CCDC73: variants seen among roughly 807,000 people sequenced by gnomAD.
CCDC73 encodes the protein coiled-coil domain-containing protein 73.
Under a neutral mutation model 116.5 loss-of-function variants are expected in CCDC73, and 95 were observed. The ratio of observed to expected loss-of-function variants is 0.82; its 90% CI spans 0.69 to 0.97. The LOEUF is 0.97. Ranked by LOEUF, CCDC73 falls within the 50% of genes least tolerant of loss-of-function variation. The pLI is 0.00. For synonymous variants in CCDC73, 398 were observed against 401.3 expected (o/e 0.99, Z 0.10); for missense variants, 1,066 against 1,206.8 (o/e 0.88, Z 1.73).
intron 17 of CCDC73, among the ~76,000 whole-genome samples, chr11:32,607,186 G>A (rs1309686299): frequency 6.6e-4 from 90 of 136,776 alleles, no homozygotes; most frequent in Non-Finnish European, 1.1e-3. Flanking sequence ...TCCGCCTCCC[G>A]GGTTCACGCC....
At chr11:32,741,235 G>C (rs1467849899) in intron 2 of CCDC73, among the ~76,000 whole-genome samples, 1 of 151,834 alleles carries the variant, frequency 6.6e-6, no homozygotes, top group Non-Finnish European at 1.5e-5. Context: ...TTGACTTTCT[G>C]TCTGGATGAT....
In CCDC73 at chr11:32,755,871, A is replaced by ATATATGTGTGTG. The variant is rs1850336159; in HGVS notation, c.135+4237_135+4238insCACACACATATA. Among the ~76,000 whole-genome samples the ATATATGTGTGTG allele has an allele frequency of 4.1e-5, 5 of 123,188 alleles. 1 individual carries two copies. The highest frequency in any genetic ancestry group is 1.2e-4 in the African/African-American group (4 of 32,642). The allele number at this position is 123,188 out of a possible 152,430, so 80.8% of individuals were successfully genotyped here. On this transcript the variant is annotated intron_variant, in intron 2 of 17. Coordinates refer to ENST00000335185, the MANE Select transcript of CCDC73 (RefSeq NM_001008391.4). ...TATATGTGTGTGTATATATCTCCAT[A>ATATATGTGTGTG]TATATATCTGTGTATATATCTCCAT... is the stretch of plus-strand genomic sequence containing the variant.
At chr11:32,709,668 T>A (rs1849883008) in intron 3 of CCDC73, among the ~76,000 whole-genome samples, 1 of 152,196 alleles carries the variant, frequency 6.6e-6, no homozygotes, top group Non-Finnish European at 1.5e-5. Context: ...TATTGGTCTG[T>A]AGGTTGTTGT....
intron 1 of CCDC73, among the ~76,000 whole-genome samples, chr11:32,790,962 C>G (rs763591067): frequency 8.5e-5 from 13 of 152,258 alleles, no homozygotes; most frequent in Admixed American, 4.6e-4. Context: ...CTAAACTAAA[C>G]TCCAATTTTT....
chr11:32,682,930 T>A (rs1018634837), intron 7 of CCDC73: 2 of 155,512 alleles, frequency 1.3e-5, no homozygotes. Context: ...ACTTCATACA[T>A]TTCAATTTTT....
chr11:32,793,187 G>A (rs1230043485), intron 1 of CCDC73, among the ~76,000 whole-genome samples: 1 of 152,192 alleles, frequency 6.6e-6, no homozygotes, highest in East Asian at 1.9e-4. Flanking sequence ...TCATCAAAGT[G>A]GGGAATCTAA....
chr11:32,646,076 GT>G (rs1855776560), intron 12 of CCDC73, among the ~76,000 whole-genome samples: 1 of 152,128 alleles, frequency 6.6e-6, no homozygotes, highest in Non-Finnish European at 1.5e-5. Flanking sequence ...CTCTATCCTA[GT>G]AATAATAATT....
chr11:32,613,748 A>G lies in CCDC73; in HGVS notation c.2570T>C (p.Met857Thr), dbSNP rs554847846. 9.9e-6 allele frequency: 16 copies of G among 1,613,940 alleles called. No homozygotes were observed. The Admixed American group carries it at 1.8e-4, about 18-fold the overall frequency. ...TTCCTCCAGCTGTCCTTCACTGAAC[A>G]TTTTTCCTGAAACAATGTCATTTAA... Reference protein sequence around the residue: ...ESLNDIVSGKMFSEGQLEESH... With the variant: ...ESLNDIVSGKTFSEGQLEESH... The change falls in exon 16 of 18, where the codon ATG becomes ACG. Residue 857 changes from methionine to threonine, a missense_variant. Coordinates refer to ENST00000335185, the MANE Select transcript of CCDC73 (RefSeq NM_001008391.4).
Position 32,614,936 on chromosome 11 carries a change from T to C in CCDC73, c.1382A>G (p.Gln461Arg), listed in dbSNP as rs1218635108. The change falls in exon 16 of 18, where the codon CAG becomes CGG. Residue 461 changes from glutamine (Q) to arginine (R), a missense_variant. Physicochemically the swap from Gln to Arg is conservative, Grantham distance 43. Transcript: ENST00000335185. ...FIEEIIIDDL[Q>R]LFEKSFKNEI... The stretch of plus-strand genomic sequence containing the variant: ...ATTCTTGAAGCTTTTTTCAAAAAGC[T>C]GTAAATCTGTCATGATGGGAACACA... 3 of 1,594,860 alleles carry C rather than the reference T, an allele frequency of 1.9e-6. No individual in the cohort carries two copies. The highest frequency in any genetic ancestry group is 2.6e-6 in the Non-Finnish European group (3 of 1,172,998).
chr11:32,605,848 G>C (rs1374125126), intron 17 of CCDC73: 1 of 151,994 alleles, frequency 6.6e-6, no homozygotes, highest in Non-Finnish European at 1.5e-5. Flanking sequence ...TCGTTCTTTC[G>C]TCTCCTATCC....
chr11:32,763,678 A>C (rs911515521), intron 1 of CCDC73, among the ~76,000 whole-genome samples: 5 of 152,244 alleles, frequency 3.3e-5, no homozygotes. Context: ...ACAGAGAAGA[A>C]AAGCTGAAAA....
intron 17 of CCDC73, among the ~76,000 whole-genome samples, chr11:32,609,994 TC>T (rs1855405420): frequency 6.6e-6 from 1 of 150,974 alleles, no homozygotes; most frequent in African/African-American, 2.4e-5. Context: ...TTTCACCATG[TC>T]AGCCAGGATG....
chr11:32,785,156 A>C lies in CCDC73; in HGVS notation c.-16+9457T>G, dbSNP rs567557742. Reference sequence around the variant, plus strand: ...ACTCCAGCCTGGGCAAAAAAGCAAGACTCCATCTCAGGAAAAAAAAAGAAC... The same window carrying C: ...ACTCCAGCCTGGGCAAAAAAGCAAGCCTCCATCTCAGGAAAAAAAAAGAAC... On this transcript the variant is annotated intron_variant, in intron 1 of 17. Coordinates refer to ENST00000335185, the MANE Select transcript of CCDC73 (RefSeq NM_001008391.4). 3.5e-4 allele frequency among the ~76,000 whole-genome samples: 53 copies of C among 152,112 alleles called. No individual in the cohort carries two copies. The South Asian group carries it at 0.011, about 30-fold the overall frequency.
rs186329131 is a variant in CCDC73, at chr11:32,602,839, G to C, written c.3212C>G (p.Thr1071Arg). ...NQPKKRKAEE[T>R]LEKNNRLK ...TTTTAATCTGTTGTTTTTTTCCAAC[G>C]TCTCTTCTGCTTTTCTTTTCTTTGG... The change falls in exon 18 of 18, where the codon ACG (threonine) becomes AGG (arginine). Residue 1071 changes from threonine (T) to arginine (R), a missense_variant. By Grantham distance (71) the Thr-to-Arg change is moderately conservative (BLOSUM62 -1). Coordinates refer to ENST00000335185, the MANE Select transcript of CCDC73 (RefSeq NM_001008391.4). 4 of 1,601,614 alleles carry C rather than the reference G, an allele frequency of 2.5e-6. No individual in the cohort carries two copies. Among genetic ancestry groups the C allele is most frequent in the East Asian group, 2.2e-5 (1 of 44,742 alleles).
chr11:32,749,295 TCTG>T (rs879431489), intron 2 of CCDC73, among the ~76,000 whole-genome samples: 1 of 152,072 alleles, frequency 6.6e-6, no homozygotes, highest in Non-Finnish European at 1.5e-5. Flanking sequence ...CTTGATCAAT[TCTG>T]CTATTATGAG....
rs1418470897 is a variant in CCDC73 at position 32,726,968 on chromosome 11, C to T, written c.136-8821G>A. On this transcript the variant is annotated intron_variant, in intron 2 of 17. Transcript: ENST00000335185. ...TTTATAGTCTTATAAATGCCAGGAT[C>T]CTGTCCAGGTTACCACATTGCATTT... Among the ~76,000 whole-genome samples, 6 of 152,064 alleles carry T rather than the reference C, an allele frequency of 3.9e-5. No individual in the cohort carries two copies. In the East Asian group the frequency reaches 7.7e-4, roughly 19 times the overall value.
chr11:32,608,321 T>C (rs1387616898), intron 17 of CCDC73, among the ~76,000 whole-genome samples: 4 of 152,066 alleles, frequency 2.6e-5, no homozygotes, highest in Non-Finnish European at 5.9e-5. Context: ...ACTTCCTAGA[T>C]ACAAGGAGGG....
the CCDC73 span, among the ~76,000 whole-genome samples, chr11:32,800,809 G>A: frequency 6.6e-6 from 1 of 152,220 alleles, no homozygotes; most frequent in African/African-American, 2.4e-5. Flanking sequence ...AAGCACCTGA[G>A]TAGATAGTAT....
At chr11:32,785,158 T>A (rs72897195) in intron 1 of CCDC73, among the ~76,000 whole-genome samples, 38,976 of 151,634 alleles carry the variant, frequency 0.26, 6,012 homozygotes, top group East Asian at 0.79. Context: ...AAAGCAAGAC[T>A]CCATCTCAGG....
Sources: allele counts gnomAD v4.1 joint callset (sites outside exome capture counted in the v4.1 genomes callset), GRCh38; gene constraint gnomAD v4.1.1; transcripts MANE v1.5; gene names NCBI Gene and HGNC (gene_info 2026-07-23, HGNC 2026-07-21).